MAP2K5: variants seen among roughly 807,000 people sequenced by gnomAD.
MAP2K5 encodes the protein dual specificity mitogen-activated protein kinase kinase 5.
MAP2K5 carries 49 observed loss-of-function variants against 83.1 expected under a neutral mutation model. The observed-to-expected ratio is 0.59, with a 90% CI of 0.47 to 0.75. MAP2K5 has a LOEUF of 0.75. Ranked by LOEUF, MAP2K5 falls within the 30% of genes least tolerant of loss-of-function variation. MAP2K5 has a pLI of 0.00. For synonymous variants in MAP2K5, 202 were observed against 191.8 expected (o/e 1.05, Z -0.44); for missense variants, 457 against 557.5 (o/e 0.82, Z 1.82).
In MAP2K5 at chr15:67,783,354, A is replaced by T. The variant is rs2090361921; in HGVS notation, c.1242+10602A>T. ...CCTTCACCTCAGGCCACTCCTGTGG[A>T]GTCCTGTGCTCCAAACTTCTGGCAG... On this transcript the variant is annotated intron_variant, in intron 21 of 21. Coordinates refer to ENST00000178640, the MANE Select transcript of MAP2K5 (RefSeq NM_145160.3). The surrounding 1 kb of genome is among the most constrained non-coding windows in gnomAD (Gnocchi z 5.1). Among the ~76,000 whole-genome samples the T allele has an allele frequency of 6.6e-6, 1 of 152,154 alleles. No individual in the cohort carries two copies. Among genetic ancestry groups the T allele is most frequent in the South Asian group, 2.1e-4 (1 of 4,822 alleles).
rs1374259561 is a variant in MAP2K5, at chr15:67,775,813, G to A, written c.1242+3061G>A. On this transcript the variant is annotated intron_variant, in intron 21 of 21. Transcript: ENST00000178640. The surrounding 1 kb of genome is among the most constrained non-coding windows in gnomAD (Gnocchi z 5.3). ...GAAACAGGATGGGCAAAGCATGAGT[G>A]TATCTCGGTTTCAGACATTTTCAGA... 6.6e-6 allele frequency among the ~76,000 whole-genome samples: 1 copy of A among 152,220 alleles called. No homozygotes were observed. The highest frequency in any genetic ancestry group is 1.5e-5 in the Non-Finnish European group (1 of 68,028).
chr15:67,686,898 T>C (rs1426691962), intron 13 of MAP2K5, among the ~76,000 whole-genome samples: 1 of 152,154 alleles, frequency 6.6e-6, no homozygotes, highest in Non-Finnish European at 1.5e-5. Context: ...AATGATTTTT[T>C]TTTGAGACAG....
At chr15:67,575,633 A>G (rs2085039299) in intron 3 of MAP2K5, among the ~76,000 whole-genome samples, 1 of 152,206 alleles carries the variant, frequency 6.6e-6, no homozygotes, top group Non-Finnish European at 1.5e-5. Flanking sequence ...AGCAATAAAT[A>G]TACGTTTTAT....
At chr15:67,608,160 C>T (rs138204974) in intron 8 of MAP2K5, among the ~76,000 whole-genome samples, 4 of 152,086 alleles carry the variant, frequency 2.6e-5, no homozygotes, top group African/African-American at 9.7e-5. Context: ...ATCTAATTTC[C>T]ATTTGAATCT....
Position 67,707,961 on chromosome 15 carries a change from G to GA in MAP2K5, c.1044+4562dup, listed in dbSNP as rs925491161. ...ATTCTCCTAGGGTACCTGTGGTAAA[G>GA]AAAAAAAAACTGATAAAAATGTAGG... On this transcript the variant is annotated intron_variant, in intron 16 of 21. Coordinates refer to ENST00000178640, the MANE Select transcript of MAP2K5 (RefSeq NM_145160.3). Among the ~76,000 whole-genome samples the GA allele has an allele frequency of 1.3e-4, 19 of 150,632 alleles. No individual in the cohort carries two copies. In the South Asian group the frequency reaches 1.3e-3, roughly 10 times the overall value.
In MAP2K5 at chr15:67,802,584, G is replaced by C. The variant is rs752962646; in HGVS notation, c.1243-4062G>C. Among the ~76,000 whole-genome samples the C allele has an allele frequency of 6.6e-6, 1 of 152,254 alleles. No homozygotes were observed. The highest frequency in any genetic ancestry group is 1.5e-5 in the Non-Finnish European group (1 of 68,044). On this transcript the variant is annotated intron_variant, in intron 21 of 21. Transcript: ENST00000178640. This position sits in a 1 kb window ranked among gnomAD's most constrained non-coding sequence, Gnocchi z 5.0. ...GAATGAGAGTGGCTCTCACTGCCTG[G>C]TGATGAGGCCAGCAAGATCTTTCAG...
chr15:67,561,406 C>G lies in MAP2K5; in HGVS notation c.185-1877C>G, dbSNP rs928669768. On this transcript the variant is annotated intron_variant, in intron 2 of 21. Transcript: ENST00000178640. The surrounding 1 kb of genome is among the most constrained non-coding windows in gnomAD (Gnocchi z 4.2). ...CTCCCCCAATTTGGCTCTAGAGATT[C>G]TATATCTAAAGCGAATGAAAGAATC... Among the ~76,000 whole-genome samples, 15 of 152,296 alleles carry G rather than the reference C, an allele frequency of 9.8e-5. No individual in the cohort carries two copies. Among genetic ancestry groups the G allele is most frequent in the African/African-American group, 3.6e-4 (15 of 41,564 alleles).
chr15:67,739,547 C>G (rs2089446040), intron 17 of MAP2K5, among the ~76,000 whole-genome samples: 1 of 134,804 alleles, frequency 7.4e-6, no homozygotes, highest in South Asian at 2.6e-4. Context: ...GTGGTGCAAT[C>G]TCAGCTCACT....
intron 3 of MAP2K5, 114 bp from the exon 4 acceptor site, chr15:67,580,640 G>T: frequency 1.4e-6 from 1 of 708,092 alleles, no homozygotes; most frequent in African/African-American, 1.8e-5. Context: ...TATTCTCAAG[G>T]CTGATATGTA....
intron 17 of MAP2K5, among the ~76,000 whole-genome samples, chr15:67,743,340 C>T (rs1875295215): frequency 6.6e-6 from 1 of 152,138 alleles, no homozygotes; most frequent in Non-Finnish European, 1.5e-5. Context: ...TACTAATAGA[C>T]CCACAGACAT....
At position 67,573,868 on chromosome 15, in the gene MAP2K5, T is replaced by C. The variant is rs2084998027; in HGVS notation, c.253-6886T>C. On this transcript the variant is annotated intron_variant, in intron 3 of 21. Transcript: ENST00000178640. This position sits in a 1 kb window ranked among gnomAD's most constrained non-coding sequence, Gnocchi z 4.2. The stretch of plus-strand genomic sequence containing the variant: ...ATGAATAATCCTGTGTCACCAGCCT[T>C]GTAGTGCAGCGCATCTCCTCCATAT... 6.6e-6 allele frequency among the ~76,000 whole-genome samples: 1 copy of C among 152,204 alleles called. No homozygotes were observed. The highest frequency in any genetic ancestry group is 1.5e-5 in the Non-Finnish European group (1 of 68,030).
intron 3 of MAP2K5, among the ~76,000 whole-genome samples, chr15:67,578,859 C>T (rs1006389214): frequency 1.3e-5 from 2 of 152,148 alleles, no homozygotes; most frequent in African/African-American, 4.8e-5. Flanking sequence ...TGTTCTGACC[C>T]TTTACATTTG....
intron 13 of MAP2K5, among the ~76,000 whole-genome samples, chr15:67,685,686 T>C (rs1008234247): frequency 1.3e-5 from 2 of 152,248 alleles, no homozygotes; most frequent in Admixed American, 1.3e-4. Flanking sequence ...GTAAGGTTTG[T>C]ACATTATAAA....
intron 15 of MAP2K5, among the ~76,000 whole-genome samples, chr15:67,700,254 C>G (rs1006580285): frequency 1.3e-5 from 2 of 152,106 alleles, no homozygotes; most frequent in African/African-American, 4.8e-5. Flanking sequence ...GAAGGACTGC[C>G]CTTTAAGATC....
At chr15:67,631,617 T>C (rs140987313) in intron 9 of MAP2K5, among the ~76,000 whole-genome samples, 54 of 152,234 alleles carry the variant, frequency 3.5e-4, no homozygotes, top group African/African-American at 1.3e-3. Context: ...TACACACAAC[T>C]CAGGGATGTT....
rs2090580909 is a variant in MAP2K5 at position 67,794,988 on chromosome 15, C to T, written c.1243-11658C>T. ...GCCCCCGCGGTGGGTGATGTTTTGT[C>T]AGTGCTCATTGGCACCTTGCCAGCC... On this transcript the variant is annotated intron_variant, in intron 21 of 21. Coordinates refer to ENST00000178640, the MANE Select transcript of MAP2K5 (RefSeq NM_145160.3). This position sits in a 1 kb window ranked among gnomAD's most constrained non-coding sequence, Gnocchi z 4.6. Among the ~76,000 whole-genome samples, 1 of 152,238 alleles carries T rather than the reference C, an allele frequency of 6.6e-6. No individual in the cohort carries two copies. The highest frequency in any genetic ancestry group is 2.1e-4 in the South Asian group (1 of 4,830).
At chr15:67,570,398 A>G (rs1457908273) in intron 3 of MAP2K5, among the ~76,000 whole-genome samples, 2 of 152,218 alleles carry the variant, frequency 1.3e-5, no homozygotes, top group African/African-American at 4.8e-5. Context: ...CTGTGACCAT[A>G]TGTGGACCCT....
In MAP2K5 at chr15:67,573,627, G is replaced by GC. The variant is rs1248674260; in HGVS notation, c.253-7125dup. On this transcript the variant is annotated intron_variant, in intron 3 of 21. Coordinates refer to ENST00000178640, the MANE Select transcript of MAP2K5 (RefSeq NM_145160.3). The surrounding 1 kb of genome is among the most constrained non-coding windows in gnomAD (Gnocchi z 4.2). Reference sequence around the variant, plus strand: ...GTAAAATGAGGCTGCGACCTGCTGGGCCGCAGCCCCAGGAAGTCAGGCATT... The same window carrying GC: ...GTAAAATGAGGCTGCGACCTGCTGGGCCCGCAGCCCCAGGAAGTCAGGCATT... Among the ~76,000 whole-genome samples, 3 of 152,090 alleles carry GC rather than the reference G, an allele frequency of 2.0e-5. No individual in the cohort carries two copies. Among genetic ancestry groups the GC allele is most frequent in the African/African-American group, 7.2e-5 (3 of 41,418 alleles).
rs2090565320 is a variant in MAP2K5 at position 67,794,183 on chromosome 15, A to G, written c.1243-12463A>G. On this transcript the variant is annotated intron_variant, in intron 21 of 21. Coordinates refer to ENST00000178640, the MANE Select transcript of MAP2K5 (RefSeq NM_145160.3). The surrounding 1 kb of genome is among the most constrained non-coding windows in gnomAD (Gnocchi z 4.6). ...GAAAATGCAGGTCACACCAGTCACC[A>G]CCATCAAAAACGCATTTCAGGCTTC... is the stretch of plus-strand genomic sequence containing the variant. Among the ~76,000 whole-genome samples, 1 of 152,202 alleles carries G rather than the reference A, an allele frequency of 6.6e-6. No homozygotes were observed. The highest frequency in any genetic ancestry group is 2.1e-4 in the South Asian group (1 of 4,830).
Sources: allele counts gnomAD v4.1 joint callset (sites outside exome capture counted in the v4.1 genomes callset), GRCh38; gene constraint gnomAD v4.1.1; non-coding constraint Gnocchi (gnomAD v3.1); transcripts MANE v1.5; gene names NCBI Gene and HGNC (gene_info 2026-07-23, HGNC 2026-07-21).